Variants in CRAMP1 observed in about 807,000 individuals in gnomAD.
CRAMP1 encodes protein cramped-like.
A neutral mutation model predicts 115.4 loss-of-function variants in CRAMP1; 50 were observed. That is an observed-to-expected ratio of 0.43 (90% CI 0.35 to 0.55). CRAMP1 has a LOEUF of 0.55. Among genes scored for constraint, CRAMP1 ranks in the 20% least tolerant of loss-of-function variants. CRAMP1 has a pLI of 0.01. For synonymous variants in CRAMP1, 866 were observed against 745.4 expected (o/e 1.16, Z -2.64); for missense variants, 1,679 against 1,721.7 (o/e 0.98, Z 0.44).
In CRAMP1 at chr16:1,666,461, C is replaced by G. The variant is rs1567462099; in HGVS notation, c.2897C>G (p.Ser966Cys). 1 of 1,613,874 alleles carries G rather than the reference C, an allele frequency of 6.2e-7. No homozygotes were observed. Among genetic ancestry groups the G allele is most frequent in the East Asian group, 2.2e-5 (1 of 44,880 alleles). The change falls in exon 16 of 21, where the codon TCC becomes TGC. Residue 966 changes from serine (S) to cysteine (C), a missense_variant. This residue lies in a region of CRAMP1 where 709 missense variants were observed against 741.9 expected (regional missense o/e 0.96). Coordinates refer to ENST00000397412, the MANE Select transcript of CRAMP1 (RefSeq NM_020825.4). This position sits in a 1 kb window ranked among gnomAD's most constrained non-coding sequence, Gnocchi z 5.0. The stretch of plus-strand genomic sequence containing the variant: ...GCAGCTACAAGTGCCGGCATCCTTT[C>G]CGGGAACCCCCTCCCTGCCTTGGAC... Reference protein sequence around the residue: ...DLAATSAGILSGNPLPALDTE... With the variant: ...DLAATSAGILCGNPLPALDTE...
In CRAMP1 at chr16:1,656,567, A is replaced by G. The variant is rs374772176; in HGVS notation, c.1810A>G (p.Ser604Gly). ...AASPEVLAPV[S>G]KEAADLAPTG... ...CTCCCCAGAGGTGCTGGCTCCTGTCAGCAAGGAGGCTGCTGACCTTGCTCC... is the reference window on the plus strand; with the variant it reads ...CTCCCCAGAGGTGCTGGCTCCTGTCGGCAAGGAGGCTGCTGACCTTGCTCC... The change falls in exon 10 of 21, where the codon AGC becomes GGC. Residue 604 changes from serine to glycine, a missense_variant. By Grantham distance (56) the Ser-to-Gly change is moderately conservative. This residue lies in a region of CRAMP1 where 405 missense variants were observed against 302.6 expected (regional missense o/e 1.34). Transcript: ENST00000397412. This position sits in a 1 kb window ranked among gnomAD's most constrained non-coding sequence, Gnocchi z 5.6. 11 of 1,557,568 alleles carry G rather than the reference A, an allele frequency of 7.1e-6. No individual in the cohort carries two copies. Among genetic ancestry groups the G allele is most frequent in the Non-Finnish European group, 9.6e-6 (11 of 1,151,044 alleles).
rs2036944490 is a variant in CRAMP1 at position 1,673,904 on chromosome 16, C to T, written c.3669C>T (p.Cys1223=). 2 of 1,613,724 alleles carry T rather than the reference C, an allele frequency of 1.2e-6. No homozygotes were observed. Among genetic ancestry groups the T allele is most frequent in the Non-Finnish European group, 1.7e-6 (2 of 1,179,856 alleles). Residue 1223 remains cysteine, a synonymous_variant, in exon 21 of 21, where the codon TGC becomes TGT. Transcript: ENST00000397412. ...AGGTTGTGGATTCCCAGCTGGTGTG[C>T]ATGATGAACGAAAACAGCATTGATT... ...VAEVVDSQLV[C]MMNENSIDYI...
At chr16:1,640,194 C>G (rs1174564691) in intron 5 of CRAMP1, among the ~76,000 whole-genome samples, 1 of 152,102 alleles carries the variant, frequency 6.6e-6, no homozygotes, top group South Asian at 2.1e-4. Context: ...GCAGTTGTGC[C>G]GGCTGTGAAT....
chr16:1,628,676 C>T (rs964575012), intron 3 of CRAMP1, among the ~76,000 whole-genome samples: 4 of 152,236 alleles, frequency 2.6e-5, no homozygotes, highest in East Asian at 1.9e-4. Context: ...TGTGGGGTGA[C>T]GGTGACTGGG....
chr16:1,668,883 TG>T, intron 18 of CRAMP1, 117 bp from the exon 19 acceptor site: 2 of 901,308 alleles, frequency 2.2e-6, no homozygotes, highest in Non-Finnish European at 3.5e-6. Flanking sequence ...GCCATCCATC[TG>T]GTTCAGCAGG....
chr16:1,614,661 G>A lies in CRAMP1; in HGVS notation c.22G>A (p.Gly8Ser). The A allele has an allele frequency of 7.8e-7, 1 of 1,289,498 alleles. No individual in the cohort carries two copies. The highest frequency in any genetic ancestry group is 9.9e-7 in the Non-Finnish European group (1 of 1,010,878). The allele number at this position is 1,289,498 out of a possible 1,614,324, so 79.9% of individuals were successfully genotyped here. A position where few individuals can be genotyped will look rare whatever the true frequency, so the allele number is the denominator to read the frequency against. Residue 8 changes from glycine (G) to serine (S), a missense_variant, in exon 2 of 21, where the codon GGC (glycine) becomes AGC (serine). By Grantham distance (56) the Gly-to-Ser change is moderately conservative (BLOSUM62 0). Transcript: ENST00000397412. This position sits in a 1 kb window ranked among gnomAD's most constrained non-coding sequence, Gnocchi z 4.4. MTVKLGD[G>S]GSGEDGLKKL... ...CAGGATGACAGTGAAGTTGGGCGAC[G>A]GCGGCAGCGGGGAGGACGGGCTCAA...
At position 1,612,816 on chromosome 16, in the gene CRAMP1, C is replaced by G. The variant is rs549234865; in HGVS notation, c.-2+159C>G. Among the ~76,000 whole-genome samples the G allele has an allele frequency of 2.3e-4, 35 of 152,222 alleles. No individual in the cohort carries two copies. The South Asian group carries it at 6.0e-3, about 26-fold the overall frequency. ...AGGCTTCTGCGTCCCCATCCCGAGACGCGAGCCGGTGCGGAGCGGGACGGG... is the reference window on the plus strand; with the variant it reads ...AGGCTTCTGCGTCCCCATCCCGAGAGGCGAGCCGGTGCGGAGCGGGACGGG... On this transcript the variant is annotated intron_variant, in intron 1 of 20. Transcript: ENST00000397412.
At chr16:1,651,770 C>T (rs2142194781) in intron 6 of CRAMP1, among the ~76,000 whole-genome samples, 1 of 150,156 alleles carries the variant, frequency 6.7e-6, no homozygotes, top group Admixed American at 6.6e-5. Context: ...GGACTGAGGT[C>T]ACACAGGTCA....
At chr16:1,618,440 G>T (rs950272733) in intron 2 of CRAMP1, among the ~76,000 whole-genome samples, 2 of 152,310 alleles carry the variant, frequency 1.3e-5, no homozygotes, top group African/African-American at 4.8e-5. Context: ...GCCTACCTGT[G>T]GGGTGAGTAG....
intron 1 of CRAMP1, among the ~76,000 whole-genome samples, chr16:1,613,334 G>C (rs1971211411): frequency 6.6e-6 from 1 of 152,152 alleles, no homozygotes; most frequent in East Asian, 1.9e-4. Context: ...GCACCTCAGG[G>C]TGGGGGCATC....
Position 1,667,974 on chromosome 16 carries a change from C to T in CRAMP1, c.3115C>T (p.Leu1039Phe). 6.2e-7 allele frequency: 1 copy of T among 1,608,530 alleles called. No homozygotes were observed. Among genetic ancestry groups the T allele is most frequent in the South Asian group, 1.1e-5 (1 of 90,494 alleles). ...VADSFQGSSVLSLSELPKAPL... is the reference protein window; with the variant it reads ...VADSFQGSSVFSLSELPKAPL... ...TGTCTCCCAGCAGGGCTCATCTGTT[C>T]TCTCCTTATCTGAGCTGCCCAAGGC... Residue 1039 changes from leucine to phenylalanine, a missense_variant, in exon 18 of 21, where the codon CTC becomes TTC. Leu to Phe is a conservative substitution (Grantham distance 22). This residue lies in a region of CRAMP1 where 709 missense variants were observed against 741.9 expected (regional missense o/e 0.96). Transcript: ENST00000397412.
intron 2 of CRAMP1, among the ~76,000 whole-genome samples, chr16:1,622,608 G>A (rs2036474315): frequency 6.6e-6 from 1 of 152,140 alleles, no homozygotes; most frequent in Non-Finnish European, 1.5e-5. Flanking sequence ...GTTTTTTGGG[G>A]TTTTCTGTCT....
At chr16:1,620,202 G>A (rs933221506) in intron 2 of CRAMP1, among the ~76,000 whole-genome samples, 1 of 152,242 alleles carries the variant, frequency 6.6e-6, no homozygotes, top group African/African-American at 2.4e-5. Context: ...TGTGTTAGGA[G>A]AGGCACGGAA....
intron 19 of CRAMP1, chr16:1,670,440 C>A: frequency 1.9e-6 from 1 of 514,212 alleles, no homozygotes; most frequent in Non-Finnish European, 3.5e-6. Context: ...GACCGTGGGA[C>A]TCGTGGAAAA....
rs772594351 is a variant in CRAMP1, at chr16:1,656,045, G to C, written c.1288G>C (p.Gly430Arg). Residue 430 changes from glycine to arginine, a missense_variant, in exon 10 of 21, where the codon GGC (glycine) becomes CGC (arginine). Around this residue, in one of 8 missense-constraint regions of CRAMP1, gnomAD observed 191 missense variants for 236.2 expected, o/e 0.81. Coordinates refer to ENST00000397412, the MANE Select transcript of CRAMP1 (RefSeq NM_020825.4). This position sits in a 1 kb window ranked among gnomAD's most constrained non-coding sequence, Gnocchi z 5.6. The part of the protein sequence containing the change: ...AFCTVHWQEG[G>R]RCKQSAKDAH... ...CTGCACAGTGCACTGGCAGGAGGGC[G>C]GCCGGTGCAAGCAGAGTGCCAAGGA... 6.2e-7 allele frequency: 1 copy of C among 1,611,768 alleles called. No individual in the cohort carries two copies. Among genetic ancestry groups the C allele is most frequent in the African/African-American group, 1.3e-5 (1 of 75,048 alleles).
At chr16:1,655,764 T>TTA (rs2036765811) in intron 9 of CRAMP1, 113 bp from the exon 10 acceptor site, 2 of 1,239,078 alleles carry the variant, frequency 1.6e-6, no homozygotes, top group Non-Finnish European at 2.3e-6. Context: ...GTGGCATGAT[T>TTA]TATACCCTGG....
Position 1,675,894 on chromosome 16 carries a change from T to G in CRAMP1, c.*1849T>G, listed in dbSNP as rs2036963304. 1 of 152,208 alleles carries G rather than the reference T, an allele frequency of 6.6e-6. No homozygotes were observed. The highest frequency in any genetic ancestry group is 1.5e-5 in the Non-Finnish European group (1 of 68,038). The allele number at this position is 152,208 out of a possible 1,614,324, so 9.4% of individuals were successfully genotyped here. ...ACAGCATCTTTACACTAGCTTGTGT[T>G]TTGTGCTACGTATACCAGCTTCCAA... On this transcript the variant is annotated 3_prime_UTR_variant, in exon 21 of 21. Transcript: ENST00000397412.
chr16:1,613,528 T>G (rs537952356), intron 1 of CRAMP1, among the ~76,000 whole-genome samples: 6 of 152,314 alleles, frequency 3.9e-5, no homozygotes, highest in African/African-American at 1.2e-4. Flanking sequence ...TTCAGCGTTT[T>G]TGCTTCCTCA....
At chr16:1,631,622 C>G (rs143807149) in intron 3 of CRAMP1, among the ~76,000 whole-genome samples, 1 of 152,344 alleles carries the variant, frequency 6.6e-6, no homozygotes, top group East Asian at 1.9e-4. Context: ...TGAGGTGAGG[C>G]TGTTCTGTGG....
Sources: allele counts gnomAD v4.1 joint callset (sites outside exome capture counted in the v4.1 genomes callset), GRCh38; gene constraint gnomAD v4.1.1; regional missense constraint gnomAD v4.1.1; non-coding constraint Gnocchi (gnomAD v3.1); transcripts MANE v1.5; gene names NCBI Gene and HGNC (gene_info 2026-07-23, HGNC 2026-07-21).